KCNIP4: variants seen among roughly 807,000 people sequenced by gnomAD.
KCNIP4 encodes the protein potassium voltage-gated channel interacting protein 4.
KCNIP4 carries 12 observed loss-of-function variants against 34.0 expected under a neutral mutation model. That is an observed-to-expected ratio of 0.35 (90% CI 0.23 to 0.57). The LOEUF (loss-of-function observed/expected upper bound fraction) is 0.57. KCNIP4 is among the 20% of genes least tolerant of loss of function. The pLI is 0.83. For missense variants in KCNIP4, 238 were observed against 311.7 expected (o/e 0.76, Z 1.78); for synonymous variants, 124 against 102.2 (o/e 1.21, Z -1.29).
intron 1 of KCNIP4, among the ~76,000 whole-genome samples, chr4:21,715,399 G>C (rs1714293451): frequency 6.6e-6 from 1 of 151,922 alleles, no homozygotes; most frequent in Non-Finnish European, 1.5e-5. Flanking sequence ...CAAAGTGCTA[G>C]GATTACAGGT....
rs188522770 is a variant in KCNIP4 at position 21,088,792 on chromosome 4, A to G, written c.62-206083T>C. ...CAGACACATCTTTTTCCCCCCGCCC[A>G]TATCAAACTGCACTGTTCCTTCACA... On this transcript the variant is annotated intron_variant, in intron 1 of 8. Coordinates refer to ENST00000382152, the MANE Select transcript of KCNIP4 (RefSeq NM_025221.6). 2.7e-3 allele frequency among the ~76,000 whole-genome samples: 405 copies of G among 152,144 alleles called. 1 individual carries two copies. The highest frequency in any genetic ancestry group is 9.4e-3 in the African/African-American group (392 of 41,514).
chr4:21,607,963 G>A (rs1743845673), intron 1 of KCNIP4, among the ~76,000 whole-genome samples: 1 of 152,200 alleles, frequency 6.6e-6, no homozygotes, highest in Non-Finnish European at 1.5e-5. Flanking sequence ...GGTGACAGTT[G>A]TATACAGACG....
intron 1 of KCNIP4, among the ~76,000 whole-genome samples, chr4:21,700,396 C>T (rs138452540): frequency 2.8e-4 from 42 of 152,200 alleles, no homozygotes; most frequent in South Asian, 8.3e-4. Flanking sequence ...TTTTGATAAA[C>T]GCCTGTTCAG....
At chr4:21,792,029 A>C (rs1033341580) in intron 1 of KCNIP4, among the ~76,000 whole-genome samples, 14 of 131,412 alleles carry the variant, frequency 1.1e-4, no homozygotes, top group South Asian at 5.0e-4. Flanking sequence ...AAAAAAAAAA[A>C]CCTACCTCAT....
chr4:21,821,842 T>C (rs993162180), intron 1 of KCNIP4, among the ~76,000 whole-genome samples: 3 of 152,168 alleles, frequency 2.0e-5, no homozygotes, highest in Admixed American at 6.6e-5. Flanking sequence ...AAGCCTCTTA[T>C]AAAATGTCAC....
intron 1 of KCNIP4, among the ~76,000 whole-genome samples, chr4:21,623,379 G>T (rs1335641552): frequency 6.6e-6 from 1 of 152,100 alleles, no homozygotes; most frequent in Admixed American, 6.5e-5. Flanking sequence ...GGAAAATGCC[G>T]TATTCATCTT....
At chr4:20,778,617 T>G (rs1756584431) in intron 3 of KCNIP4, among the ~76,000 whole-genome samples, 1 of 152,208 alleles carries the variant, frequency 6.6e-6, no homozygotes, top group African/African-American at 2.4e-5. Context: ...GGACTATTTC[T>G]TACTATTGCA....
At chr4:21,912,540 A>G (rs1034151759) in intron 1 of KCNIP4, among the ~76,000 whole-genome samples, 2 of 152,158 alleles carry the variant, frequency 1.3e-5, no homozygotes, top group African/African-American at 4.8e-5. Context: ...AATAATGTGG[A>G]TAAAGAAATA....
chr4:21,085,245 G>T (rs1297725965), intron 1 of KCNIP4, among the ~76,000 whole-genome samples: 2 of 151,998 alleles, frequency 1.3e-5, no homozygotes. Flanking sequence ...CTGCCAGTTG[G>T]CCATATGAGG....
chr4:20,765,981 TGTA>T lies in KCNIP4; in HGVS notation c.289-7094_289-7092del, dbSNP rs138738372. 4.1e-3 allele frequency among the ~76,000 whole-genome samples: 631 copies of T among 152,324 alleles called. 3 individuals are homozygous for T. Among genetic ancestry groups the T allele is most frequent in the African/African-American group, 0.015 (605 of 41,570 alleles). ...AATTTTAATAAGGCAGTATTACTAT[TGTA>T]ATAATCAGCATAAAGTAATACTTTA... On this transcript the variant is annotated intron_variant, in intron 3 of 8. Transcript: ENST00000382152.
chr4:21,471,066 G>T (rs1248833561), intron 1 of KCNIP4, among the ~76,000 whole-genome samples: 4 of 152,108 alleles, frequency 2.6e-5, no homozygotes, highest in African/African-American at 9.7e-5. Context: ...TCTAGGGGTG[G>T]GGTCTAGAAA....
intron 1 of KCNIP4, among the ~76,000 whole-genome samples, chr4:21,393,277 G>A (rs1722709475): frequency 6.6e-6 from 1 of 152,018 alleles, no homozygotes; most frequent in Admixed American, 6.6e-5. Context: ...CTTGGGTGTT[G>A]CATTTTTTTG....
At chr4:21,521,701 A>G (rs2109957948) in intron 1 of KCNIP4, among the ~76,000 whole-genome samples, 1 of 151,982 alleles carries the variant, frequency 6.6e-6, no homozygotes, top group South Asian at 2.1e-4. Flanking sequence ...CCAAAGAACC[A>G]CCTCCTCCAA....
chr4:21,547,877 TAA>T (rs35264111), intron 1 of KCNIP4, among the ~76,000 whole-genome samples: 1 of 129,870 alleles, frequency 7.7e-6, no homozygotes, highest in East Asian at 2.3e-4. Context: ...GGTGACTTTA[TAA>T]AATATTTTAA....
chr4:21,530,026 G>A (rs1560491773), intron 1 of KCNIP4, among the ~76,000 whole-genome samples: 1 of 152,108 alleles, frequency 6.6e-6, no homozygotes, highest in Admixed American at 6.6e-5. Context: ...TAGGCATCAG[G>A]CACTTTGTAG....
chr4:21,790,640 T>C (rs1002324199), intron 1 of KCNIP4, among the ~76,000 whole-genome samples: 4 of 152,008 alleles, frequency 2.6e-5, no homozygotes, highest in Non-Finnish European at 4.4e-5. Flanking sequence ...AAGAGGGCGC[T>C]ATCCTCAAAC....
intron 1 of KCNIP4, among the ~76,000 whole-genome samples, chr4:21,216,083 G>T (rs754363006): frequency 6.6e-6 from 1 of 152,110 alleles, no homozygotes; most frequent in Admixed American, 6.6e-5. Context: ...GAGCCACCAC[G>T]CCCAGCCCAA....
intron 1 of KCNIP4, among the ~76,000 whole-genome samples, chr4:21,802,171 T>C (rs755461419): frequency 2.3e-4 from 34 of 151,110 alleles, no homozygotes; most frequent in Non-Finnish European, 3.4e-4. Context: ...TTGACCACTA[T>C]GCCAGGAATG....
At chr4:21,083,298 CT>C (rs1746159907) in intron 1 of KCNIP4, among the ~76,000 whole-genome samples, 1 of 151,676 alleles carries the variant, frequency 6.6e-6, no homozygotes, top group Admixed American at 6.6e-5. Context: ...TTCCTTCCCC[CT>C]CCTCAGAAAA....
Sources: gnomAD v4.1 joint callset for allele counts (sites outside exome capture counted in the v4.1 genomes callset) on GRCh38, gnomAD v4.1.1 for gene constraint, MANE v1.5 for transcripts, NCBI Gene and HGNC (gene_info 2026-07-23, HGNC 2026-07-21) for gene names.